Variants in TG observed in about 807,000 individuals in gnomAD.
TG encodes the protein thyroglobulin, also known as thyroid hormones.
A neutral mutation model predicts 324.7 loss-of-function variants in TG; 270 were observed. The observed-to-expected ratio is 0.83, with a 90% CI of 0.75 to 0.92. The LOEUF is 0.92. Ranked by LOEUF, TG falls within the 40% of genes least tolerant of loss-of-function variation. The pLI is 0.00. For missense variants in TG, 3,591 were observed against 3,456.4 expected, an observed-to-expected ratio of 1.04 and a Z score of -0.98; for synonymous variants, 1,401 against 1,327.0, an observed-to-expected ratio of 1.06 and a Z score of -1.21.
At chr8:133,119,185 T>C (rs1182459481) in intron 45 of TG, among the ~76,000 whole-genome samples, 1 of 152,210 alleles carries the variant, frequency 6.6e-6, no homozygotes, top group Non-Finnish European at 1.5e-5. Flanking sequence ...CTACAGCAGC[T>C]GCAGGAAACT....
intron 35 of TG, among the ~76,000 whole-genome samples, chr8:132,996,990 C>G (rs182148446): frequency 4.6e-5 from 7 of 152,322 alleles, no homozygotes; most frequent in Non-Finnish European, 8.8e-5. Context: ...TTCAGGGAAA[C>G]TCAGACACTA....
intron 34 of TG, among the ~76,000 whole-genome samples, chr8:132,975,873 C>G (rs868584971): frequency 1.3e-5 from 2 of 152,178 alleles, no homozygotes; most frequent in African/African-American, 4.8e-5. Context: ...TGCAGTCACT[C>G]ACAGTCTAAG....
At chr8:133,000,952 G>T (rs1163952048) in intron 35 of TG, among the ~76,000 whole-genome samples, 1 of 152,166 alleles carries the variant, frequency 6.6e-6, no homozygotes, top group Non-Finnish European at 1.5e-5. Context: ...AGACAAGGTT[G>T]ATTCCTTCCA....
At chr8:133,020,791 C>T (rs987437491) in intron 39 of TG, among the ~76,000 whole-genome samples, 6 of 152,186 alleles carry the variant, frequency 3.9e-5, no homozygotes, top group African/African-American at 1.2e-4. Context: ...ATAGCTTCTA[C>T]CACCTTGGGT....
At chr8:133,057,471 G>C (rs1841653474) in intron 41 of TG, among the ~76,000 whole-genome samples, 1 of 152,194 alleles carries the variant, frequency 6.6e-6, no homozygotes, top group African/African-American at 2.4e-5. Flanking sequence ...ACCTGGTGCA[G>C]TCAGGTAACC....
At chr8:132,867,800 G>C (rs1189143560) in intron 1 of TG, among the ~76,000 whole-genome samples, 1 of 152,040 alleles carries the variant, frequency 6.6e-6, no homozygotes, top group Non-Finnish European at 1.5e-5. Flanking sequence ...GGCGGGGAAC[G>C]TGTAGTCCCA....
At chr8:133,133,723 C>CAGCACAGGTCTCA in intron 47 of TG, 63 bp downstream of exon 47, 2 of 1,556,758 alleles carry the variant, frequency 1.3e-6, no homozygotes, top group Non-Finnish European at 1.8e-6. Context: ...GCTGTGCTCG[C>CAGCACAGGTCTCA]TGCATGAGAC....
intron 35 of TG, among the ~76,000 whole-genome samples, chr8:133,005,795 T>C (rs1833969429): frequency 6.6e-6 from 1 of 152,154 alleles, no homozygotes; most frequent in South Asian, 2.1e-4. Context: ...CTAACCAGCG[T>C]TGGCTCCCCG....
At chr8:133,049,447 CATATATTATT>C in intron 41 of TG, 1 of 276,178 alleles carries the variant, frequency 3.6e-6, no homozygotes. Context: ...ATCATATTAT[CATATATTATT>C]ATCCCTGTCG....
Position 133,096,187 on chromosome 8 carries a change from ATTG to A in TG, c.7405-15_7405-13del. ...ACTGATTATTCCAGGACAACTGATT[ATTG>A]TTGCATCCAATGCAGCTCCTGGCCG... On this transcript the variant is annotated splice_polypyrimidine_tract_variant and intron_variant, in intron 42 of 47. Transcript: ENST00000220616. 6.2e-7 allele frequency: 1 copy of A among 1,614,094 alleles called. No homozygotes were observed. Among genetic ancestry groups the A allele is most frequent in the Non-Finnish European group, 8.5e-7 (1 of 1,179,918 alleles).
In TG at chr8:133,015,370, C is replaced by T. The variant is rs28506015; in HGVS notation, c.6562+1606C>T. Among the ~76,000 whole-genome samples, 733 of 152,332 alleles carry T rather than the reference C, an allele frequency of 4.8e-3. 5 individuals are homozygous for T. The highest frequency in any genetic ancestry group is 0.017 in the African/African-American group (701 of 41,576). On this transcript the variant is annotated intron_variant, in intron 37 of 47. Coordinates refer to ENST00000220616, the MANE Select transcript of TG (RefSeq NM_003235.5). ...CTTTCACACAGACGTTATTTGTTTACAGCTAATACACATGGCCACAGATAA... is the reference window on the plus strand; with the variant it reads ...CTTTCACACAGACGTTATTTGTTTATAGCTAATACACATGGCCACAGATAA...
chr8:133,094,760 T>C (rs990968215), intron 41 of TG: 3 of 496,824 alleles, frequency 6.0e-6, no homozygotes, highest in Non-Finnish European at 1.1e-5. Flanking sequence ...TGCCTCTATA[T>C]ACAAATTCAT....
intron 20 of TG, among the ~76,000 whole-genome samples, chr8:132,916,461 T>C (rs1167842958): frequency 6.6e-6 from 1 of 152,218 alleles, no homozygotes; most frequent in Non-Finnish European, 1.5e-5. Context: ...TATTGGCACT[T>C]TTCCCTTGAA....
In TG at chr8:132,887,218, T is replaced by C. The variant is rs780106601; in HGVS notation, c.1846T>C (p.Phe616Leu). 1.7e-5 allele frequency: 28 copies of C among 1,611,140 alleles called. No individual in the cohort carries two copies. The highest frequency in any genetic ancestry group is 2.4e-5 in the Non-Finnish European group (28 of 1,178,128). ...CTGTGAGCAGACACCTGAAAGGCTA[T>C]TTGTCCCATCATGCACGACAGAAGG... ...QTCEQTPERL[F>L]VPSCTTEGSY... The change falls in exon 9 of 48, where the codon TTT becomes CTT. Residue 616 changes from phenylalanine (F) to leucine (L), a missense_variant. Physicochemically the swap from Phe to Leu is conservative, Grantham distance 22. Transcript: ENST00000220616.
chr8:132,972,868 A>G, intron 34 of TG, 127 bp downstream of exon 34: 1 of 1,308,982 alleles, frequency 7.6e-7, no homozygotes, highest in Non-Finnish European at 1.1e-6. Context: ...AGCAACAGAA[A>G]TAGATTCTGT....
Position 132,967,883 on chromosome 8 carries a change from C to T in TG, c.5776C>T (p.Gln1926Ter). Reference protein sequence around the residue: ...YFTCTLYPEAQVCDDIMESNA... With the variant: ...YFTCTLYPEA The stretch of plus-strand genomic sequence containing the variant: ...CACCTGCACCCTCTACCCAGAGGCA[C>T]AGGTGTGTGATGACATCATGGAGTC... Residue 1926 changes from glutamine (Q) to a stop codon, truncating the protein, a stop_gained, in exon 31 of 48, where the codon CAG becomes TAG. Transcript: ENST00000220616. LOFTEE classifies it high-confidence loss of function. The T allele has an allele frequency of 6.2e-7, 1 of 1,614,030 alleles. No individual in the cohort carries two copies. Among genetic ancestry groups the T allele is most frequent in the South Asian group, 1.1e-5 (1 of 91,070 alleles).
Position 132,935,765 on chromosome 8 carries a change from G to A in TG, c.4942G>A (p.Ala1648Thr). 1 of 1,612,552 alleles carries A rather than the reference G, an allele frequency of 6.2e-7. No individual in the cohort carries two copies. Among genetic ancestry groups the A allele is most frequent in the Non-Finnish European group, 8.5e-7 (1 of 1,179,630 alleles). Residue 1648 changes from alanine (A) to threonine (T), a missense_variant, in exon 25 of 48, where the codon GCA becomes ACA. Ala to Thr is a moderately conservative substitution (Grantham distance 58, BLOSUM62 0). Coordinates refer to ENST00000220616, the MANE Select transcript of TG (RefSeq NM_003235.5). Reference sequence around the variant, plus strand: ...ATCTTTCCATCTCCAGAAACGAGATGCACTGGGGAACTCAAAGGCCACCAG... The same window carrying A: ...ATCTTTCCATCTCCAGAAACGAGATACACTGGGGAACTCAAAGGCCACCAG... ...ACMTSDQKRD[A>T]LGNSKATSFG...
chr8:132,898,848 A>G lies in TG; in HGVS notation c.3268A>G (p.Lys1090Glu), dbSNP rs1817517233. 6.2e-7 allele frequency: 1 copy of G among 1,614,192 alleles called. No homozygotes were observed. Among genetic ancestry groups the G allele is most frequent in the Non-Finnish European group, 8.5e-7 (1 of 1,180,034 alleles). The change falls in exon 14 of 48, where the codon AAA becomes GAA. Residue 1090 changes from lysine (K) to glutamate (E), a missense_variant. Lys to Glu is a moderately conservative substitution (Grantham distance 56). Coordinates refer to ENST00000220616, the MANE Select transcript of TG (RefSeq NM_003235.5). ...SRTSGLLSSW[K>E]QARSQENPSP... is the part of the protein sequence containing the mutation. ...AACCAGTGGGCTGCTTTCCAGTTGG[A>G]AACAGGCTAGATCCCAAGAAAACCC...
intron 41 of TG, among the ~76,000 whole-genome samples, chr8:133,078,625 C>T (rs1158158163): frequency 2.0e-5 from 3 of 152,218 alleles, no homozygotes; most frequent in African/African-American, 4.8e-5. Context: ...GTGTGCCAGA[C>T]GCTATGCATG....
Sources: gnomAD v4.1 joint callset for allele counts (sites outside exome capture counted in the v4.1 genomes callset) on GRCh38, gnomAD v4.1.1 for gene constraint, MANE v1.5 for transcripts, NCBI Gene and HGNC (gene_info 2026-07-23, HGNC 2026-07-21) for gene names.